Variants in ADAM23 observed in about 807,000 individuals in gnomAD.
ADAM23 encodes ADAM metallopeptidase domain 23, also known as disintegrin and metalloproteinase domain-containing protein 23.
ADAM23 carries 33 observed loss-of-function variants against 120.1 expected under a neutral mutation model. That is an observed-to-expected ratio of 0.27 (90% CI 0.21 to 0.37). ADAM23 has a LOEUF of 0.37. Among genes scored for constraint, ADAM23 ranks in the 10% least tolerant of loss-of-function variants. The pLI is 1.00. For synonymous variants in ADAM23, 367 were observed against 375.2 expected (o/e 0.98, Z 0.25); for missense variants, 862 against 1,058.2 (o/e 0.81, Z 2.57).
chr2:206,570,269 T>G (rs1191427477), intron 15 of ADAM23, among the ~76,000 whole-genome samples: 3 of 152,222 alleles, frequency 2.0e-5, no homozygotes, highest in Non-Finnish European at 4.4e-5. Flanking sequence ...CCCCTAAGTT[T>G]ACTTGCATTT....
chr2:206,538,558 A>G (rs1026472809), intron 4 of ADAM23, among the ~76,000 whole-genome samples: 1 of 152,196 alleles, frequency 6.6e-6, no homozygotes, highest in Non-Finnish European at 1.5e-5. Context: ...ACCTGCAGGA[A>G]TAGATTGAAA....
At chr2:206,569,791 G>A (rs575333375) in intron 15 of ADAM23, among the ~76,000 whole-genome samples, 8 of 152,302 alleles carry the variant, frequency 5.3e-5, no homozygotes, top group African/African-American at 1.4e-4. Context: ...TTTCGTAATA[G>A]TTTTGCCTTC....
At position 206,594,649 on chromosome 2, in the gene ADAM23, C is replaced by T. The variant is rs1338379780; in HGVS notation, c.2079-88C>T. On this transcript the variant is annotated intron_variant, in intron 22 of 25. Transcript: ENST00000264377. ...AGAAATCCACATCCACTGACAGCCTCTTCGGTTTTGTGAAGAGCAAGCCTC... is the reference window on the plus strand; with the variant it reads ...AGAAATCCACATCCACTGACAGCCTTTTCGGTTTTGTGAAGAGCAAGCCTC... The T allele has an allele frequency of 2.7e-6, 4 of 1,487,124 alleles. No homozygotes were observed. In the African/African-American group the frequency reaches 4.2e-5, roughly 15 times the overall value. 92.1% of individuals were successfully genotyped at this position (1,487,124 alleles called of 1,614,324 possible). A position where few individuals can be genotyped will look rare whatever the true frequency, so the allele number is the denominator to read the frequency against.
chr2:206,565,344 A>G (rs1026775143), intron 14 of ADAM23, among the ~76,000 whole-genome samples: 1 of 152,224 alleles, frequency 6.6e-6, no homozygotes, highest in African/African-American at 2.4e-5. Flanking sequence ...TAGTGGAGGC[A>G]TTAATTTTTT....
chr2:206,548,050 A>G lies in ADAM23; in HGVS notation c.794-231A>G, dbSNP rs533970638. On this transcript the variant is annotated intron_variant, in intron 7 of 25. Coordinates refer to ENST00000264377, the MANE Select transcript of ADAM23 (RefSeq NM_003812.4). ...ATTGTCAAGTGGTTTTATATCAAAT[A>G]TGCATCTTCTAATGAATCTTGAACA... is the stretch of plus-strand genomic sequence containing the variant. Among the ~76,000 whole-genome samples the G allele has an allele frequency of 7.9e-5, 12 of 152,350 alleles. No individual in the cohort carries two copies. In the South Asian group the frequency reaches 2.5e-3, roughly 32 times the overall value.
chr2:206,546,426 C>A (rs927627159), intron 6 of ADAM23, among the ~76,000 whole-genome samples: 2 of 152,074 alleles, frequency 1.3e-5, no homozygotes, highest in Admixed American at 6.6e-5. Context: ...AATGAGAATT[C>A]ATGTTATCTC....
chr2:206,588,123 A>C lies in ADAM23; in HGVS notation c.1821A>C (p.Arg607Ser). 6.2e-7 allele frequency: 1 copy of C among 1,614,098 alleles called. No homozygotes were observed. Among genetic ancestry groups the C allele is most frequent in the Non-Finnish European group, 8.5e-7 (1 of 1,179,964 alleles). Residue 607 changes from arginine (R) to serine (S), a missense_variant, in exon 20 of 26, where the codon AGA (arginine) becomes AGC (serine). Around this residue, in one of 4 missense-constraint regions of ADAM23, gnomAD observed 617 missense variants for 813.5 expected, o/e 0.76. Transcript: ENST00000264377. ...GCTACAATGGCGAGTGCAAGACCAG[A>C]GACAACCAGTGTCAGTACATCTGGG... is the stretch of plus-strand genomic sequence containing the variant. ...GRCYNGECKT[R>S]DNQCQYIWGT...
chr2:206,602,761 T>G (rs1445959172), intron 24 of ADAM23, among the ~76,000 whole-genome samples: 1 of 152,158 alleles, frequency 6.6e-6, no homozygotes, highest in Non-Finnish European at 1.5e-5. Context: ...TAGAAAATCT[T>G]AAGAAAAGGA....
intron 18 of ADAM23, among the ~76,000 whole-genome samples, chr2:206,579,061 A>T (rs1248466606): frequency 6.6e-6 from 1 of 151,666 alleles, no homozygotes; most frequent in African/African-American, 2.4e-5. Context: ...GTCTATCCTT[A>T]GCCCACTTTT....
At chr2:206,519,817 G>A (rs1696807922) in intron 3 of ADAM23, among the ~76,000 whole-genome samples, 1 of 152,030 alleles carries the variant, frequency 6.6e-6, no homozygotes. Flanking sequence ...TTGGAGACCA[G>A]CCTGGGGAAG....
chr2:206,596,777 AGACCCT>A (rs891750275), intron 24 of ADAM23, among the ~76,000 whole-genome samples: 2 of 152,312 alleles, frequency 1.3e-5, no homozygotes, highest in African/African-American at 4.8e-5. Flanking sequence ...GAGAAGGCCC[AGACCCT>A]GAGGTCAGGT....
intron 2 of ADAM23, among the ~76,000 whole-genome samples, chr2:206,448,913 ATTAAT>A (rs1166036229): frequency 6.6e-6 from 1 of 152,196 alleles, no homozygotes; most frequent in Non-Finnish European, 1.5e-5. Flanking sequence ...GCTCTAGCAA[ATTAAT>A]TTAAGGGAAT....
At chr2:206,516,557 G>A (rs1386838295) in intron 3 of ADAM23, among the ~76,000 whole-genome samples, 4 of 152,056 alleles carry the variant, frequency 2.6e-5, no homozygotes. Context: ...TTCTTGCTGT[G>A]TCTTCATATG....
chr2:206,509,977 T>C (rs1559240782), intron 3 of ADAM23, among the ~76,000 whole-genome samples: 1 of 152,238 alleles, frequency 6.6e-6, no homozygotes, highest in Non-Finnish European at 1.5e-5. Context: ...AGACTTGAGC[T>C]CAGAATCTTT....
chr2:206,447,903 C>T (rs1272488394), intron 2 of ADAM23, among the ~76,000 whole-genome samples: 1 of 152,138 alleles, frequency 6.6e-6, no homozygotes, highest in Non-Finnish European at 1.5e-5. Flanking sequence ...CAAGGCCAAG[C>T]TCCACATTTA....
intron 24 of ADAM23, among the ~76,000 whole-genome samples, chr2:206,607,778 T>TA (rs1177589064): frequency 6.6e-6 from 1 of 152,158 alleles, no homozygotes; most frequent in Non-Finnish European, 1.5e-5. Context: ...GCTCAAGAAA[T>TA]ATAGTTTTTT....
At chr2:206,598,842 G>A (rs1299869406) in intron 24 of ADAM23, among the ~76,000 whole-genome samples, 3 of 152,106 alleles carry the variant, frequency 2.0e-5, no homozygotes, top group Non-Finnish European at 2.9e-5. Context: ...AGAGGTTGCA[G>A]TGAGCCAAGA....
At chr2:206,499,365 CCAT>C (rs1331300685) in intron 3 of ADAM23, among the ~76,000 whole-genome samples, 13 of 150,860 alleles carry the variant, frequency 8.6e-5, no homozygotes, top group African/African-American at 3.2e-4. Flanking sequence ...AAGCTGGAAA[CCAT>C]CATTCTCAGC....
intron 3 of ADAM23, among the ~76,000 whole-genome samples, chr2:206,489,189 C>T (rs1696078309): frequency 6.6e-6 from 1 of 152,174 alleles, no homozygotes; most frequent in Admixed American, 6.5e-5. Context: ...CTATACCAGC[C>T]TGAGCTGTGG....
Sources: allele counts gnomAD v4.1 joint callset (sites outside exome capture counted in the v4.1 genomes callset), GRCh38; gene constraint gnomAD v4.1.1; regional missense constraint gnomAD v4.1.1; transcripts MANE v1.5; gene names NCBI Gene and HGNC (gene_info 2026-07-23, HGNC 2026-07-21).